Variants in CNTNAP2 observed in about 807,000 individuals in gnomAD.
The protein encoded by CNTNAP2 is contactin associated protein 2.
In CNTNAP2, 98 loss-of-function variants were observed where a neutral mutation model predicts 155.2. The ratio of observed to expected loss-of-function variants is 0.63; its 90% CI spans 0.54 to 0.75. The LOEUF is 0.75. CNTNAP2 is among the 30% of genes least tolerant of loss of function. The probability of loss-of-function intolerance (pLI) is 0.00; values close to 1 mark genes in which losing one functional copy is unlikely to be tolerated. For missense variants in CNTNAP2, 1,727 were observed against 1,688.1 expected (o/e 1.02, Z -0.40); for synonymous variants, 651 against 631.2 (o/e 1.03, Z -0.47).
rs116669392 is a variant in CNTNAP2 at position 147,386,486 on chromosome 7, T to C, written c.1499-9123T>C. 6.6e-3 allele frequency among the ~76,000 whole-genome samples: 1,003 copies of C among 152,214 alleles called. 11 individuals are homozygous for C. The highest frequency in any genetic ancestry group is 0.023 in the African/African-American group (956 of 41,540). The stretch of plus-strand genomic sequence containing the variant: ...AATTGCTTCTGCCAGATACCCTAAA[T>C]CACCTATCTGAAGTTCGAAGTTTCA... On this transcript the variant is annotated intron_variant, in intron 9 of 23. Coordinates refer to ENST00000361727, the MANE Select transcript of CNTNAP2 (RefSeq NM_014141.6).
At chr7:147,837,677 T>G (rs1798655277) in intron 13 of CNTNAP2, among the ~76,000 whole-genome samples, 1 of 152,150 alleles carries the variant, frequency 6.6e-6, no homozygotes, top group Non-Finnish European at 1.5e-5. Context: ...GGTGCAGGCA[T>G]TAGATAAATA....
At chr7:146,959,286 C>T (rs1584749518) in intron 3 of CNTNAP2, among the ~76,000 whole-genome samples, 1 of 152,062 alleles carries the variant, frequency 6.6e-6, no homozygotes, top group East Asian at 1.9e-4. Flanking sequence ...CCAAAGTGAG[C>T]CACCGCGCCA....
chr7:146,934,778 A>G (rs1468388170), intron 3 of CNTNAP2, among the ~76,000 whole-genome samples: 2 of 152,310 alleles, frequency 1.3e-5, no homozygotes, highest in South Asian at 2.1e-4. Context: ...GAGGGGACTT[A>G]CATTAAATAT....
chr7:148,411,648 T>C (rs1799841043), intron 23 of CNTNAP2, among the ~76,000 whole-genome samples: 1 of 151,618 alleles, frequency 6.6e-6, no homozygotes, highest in Non-Finnish European at 1.5e-5. Flanking sequence ...TTCAGCTTTC[T>C]TCTAGAAGTT....
At chr7:146,775,924 T>G (rs1387345617) in intron 2 of CNTNAP2, among the ~76,000 whole-genome samples, 2 of 152,048 alleles carry the variant, frequency 1.3e-5, no homozygotes, top group African/African-American at 4.8e-5. Flanking sequence ...TAGTATAAAT[T>G]AGCTCATTTT....
At chr7:147,812,948 T>C (rs1391450251) in intron 13 of CNTNAP2, among the ~76,000 whole-genome samples, 3 of 152,110 alleles carry the variant, frequency 2.0e-5, no homozygotes, top group Non-Finnish European at 4.4e-5. Flanking sequence ...GTAGTATATA[T>C]TAAAGACATC....
intron 1 of CNTNAP2, among the ~76,000 whole-genome samples, chr7:146,505,588 G>T (rs1179696395): frequency 2.0e-5 from 3 of 152,190 alleles, no homozygotes; most frequent in African/African-American, 7.2e-5. Flanking sequence ...CAATCATAGA[G>T]GCCATATATT....
At chr7:146,974,598 A>C (rs1157065722) in intron 3 of CNTNAP2, among the ~76,000 whole-genome samples, 3 of 152,194 alleles carry the variant, frequency 2.0e-5, no homozygotes, top group Admixed American at 2.0e-4. Flanking sequence ...TTATCTCTCC[A>C]AATTGGAAAT....
At chr7:146,311,597 C>T (rs1800821335) in intron 1 of CNTNAP2, 2 of 82,126 alleles carry the variant, frequency 2.4e-5, no homozygotes, top group African/African-American at 1.2e-4. Context: ...AAAGCAAGAC[C>T]TTGTCTTTAC....
At chr7:146,371,112 A>G (rs1795227533) in intron 1 of CNTNAP2, among the ~76,000 whole-genome samples, 1 of 152,048 alleles carries the variant, frequency 6.6e-6, no homozygotes, top group African/African-American at 2.4e-5. Flanking sequence ...TAATCATACC[A>G]TAATTATCAT....
At chr7:147,734,465 G>T (rs1050296867) in intron 13 of CNTNAP2, among the ~76,000 whole-genome samples, 1 of 152,150 alleles carries the variant, frequency 6.6e-6, no homozygotes, top group Admixed American at 6.5e-5. Context: ...AGGGATATTG[G>T]TCTAAAATTC....
chr7:147,432,092 T>C (rs764705325), intron 10 of CNTNAP2, among the ~76,000 whole-genome samples: 1 of 152,246 alleles, frequency 6.6e-6, no homozygotes, highest in Non-Finnish European at 1.5e-5. Context: ...ATCTTGTGCA[T>C]TAGGTCAAGA....
At chr7:146,842,410 G>C (rs559630864) in intron 3 of CNTNAP2, among the ~76,000 whole-genome samples, 1 of 152,144 alleles carries the variant, frequency 6.6e-6, no homozygotes, top group East Asian at 1.9e-4. Context: ...TATGCTACGT[G>C]ATGAGTGATT....
intron 4 of CNTNAP2, among the ~76,000 whole-genome samples, chr7:147,072,848 C>CTTTTTTTTT (rs71165064): frequency 4.3e-5 from 4 of 93,636 alleles, no homozygotes; most frequent in Non-Finnish European, 6.0e-5. Flanking sequence ...TTCCTTTATT[C>CTTTTTTTTT]TTTTTTTTTT....
intron 1 of CNTNAP2, among the ~76,000 whole-genome samples, chr7:146,549,404 A>G (rs535800864): frequency 8.1e-4 from 123 of 152,176 alleles, no homozygotes; most frequent in African/African-American, 2.9e-3. Context: ...ATATGATCAT[A>G]TATTTTAAAT....
At chr7:146,780,761 C>G (rs901176731) in intron 2 of CNTNAP2, among the ~76,000 whole-genome samples, 1 of 151,974 alleles carries the variant, frequency 6.6e-6, no homozygotes, top group Non-Finnish European at 1.5e-5. Flanking sequence ...TCTCAGCAAA[C>G]TAACACAGAA....
At chr7:146,486,746 CT>C (rs991926857) in intron 1 of CNTNAP2, among the ~76,000 whole-genome samples, 7 of 152,304 alleles carry the variant, frequency 4.6e-5, no homozygotes, top group African/African-American at 1.7e-4. Flanking sequence ...GAGGCATATT[CT>C]TTTGGGAGAG....
intron 1 of CNTNAP2, among the ~76,000 whole-genome samples, chr7:146,308,478 G>A (rs531818438): frequency 1.2e-3 from 178 of 152,164 alleles, no homozygotes; most frequent in Middle Eastern, 3.4e-3. Context: ...CCATTACTGC[G>A]CATATACCCA....
At chr7:147,524,101 T>C (rs566387705) in intron 11 of CNTNAP2, among the ~76,000 whole-genome samples, 1 of 152,224 alleles carries the variant, frequency 6.6e-6, no homozygotes, top group South Asian at 2.1e-4. Flanking sequence ...CTCACACAAC[T>C]GCACACATGG....
Sources: allele counts gnomAD v4.1 joint callset (sites outside exome capture counted in the v4.1 genomes callset), GRCh38; gene constraint gnomAD v4.1.1; transcripts MANE v1.5; gene names NCBI Gene and HGNC (gene_info 2026-07-23, HGNC 2026-07-21).